SLC1A2: variants seen among roughly 807,000 people sequenced by gnomAD.
SLC1A2 encodes excitatory amino acid transporter 2.
SLC1A2 carries 15 observed loss-of-function variants against 48.8 expected under a neutral mutation model. That is an observed-to-expected ratio of 0.31 (90% confidence interval 0.21 to 0.47). The LOEUF (loss-of-function observed/expected upper bound fraction) is 0.47, where lower values mean the gene tolerates loss of function less well. Among genes scored for constraint, SLC1A2 ranks in the 20% least tolerant of loss-of-function variants. SLC1A2 has a pLI of 0.99. For synonymous variants in SLC1A2, 279 were observed against 272.6 expected (o/e 1.02, Z -0.23); for missense variants, 502 against 730.5 (o/e 0.69, Z 3.61).
chr11:35,380,641 A>G lies in SLC1A2; in HGVS notation c.17+38309T>C, dbSNP rs1212085996. The G allele has an allele frequency of 1.8e-5, 7 of 378,524 alleles. No individual in the cohort carries two copies. In the East Asian group the frequency reaches 2.7e-4, roughly 14 times the overall value. 23.4% of individuals were successfully genotyped at this position (378,524 alleles called of 1,614,324 possible). ...CAGGAACCCCTCATCTCTTCTGCATAAAGAGGTATATAAATAAAAACAAAA... is the reference window on the plus strand; with the variant it reads ...CAGGAACCCCTCATCTCTTCTGCATGAAGAGGTATATAAATAAAAACAAAA... On this transcript the variant is annotated intron_variant, in intron 1 of 10. Coordinates refer to ENST00000278379, the MANE Select transcript of SLC1A2 (RefSeq NM_004171.4).
Position 35,252,176 on chromosome 11 carries a change from G to A in SLC1A2, c.*8718C>T, listed in dbSNP as rs1712670739. ...ACTGTGCTTTCGTAGGGTTTCACCT[G>A]CAGATGCATTTGCAGTTAGTTAGTC... is the stretch of plus-strand genomic sequence containing the variant. On this transcript the variant is annotated 3_prime_UTR_variant, in exon 11 of 11. Coordinates refer to ENST00000278379, the MANE Select transcript of SLC1A2 (RefSeq NM_004171.4). 1 of 152,710 alleles carries A rather than the reference G, an allele frequency of 6.5e-6. No individual in the cohort carries two copies. The highest frequency in any genetic ancestry group is 2.4e-5 in the African/African-American group (1 of 41,562). 9.5% of individuals were successfully genotyped at this position (152,710 alleles called of 1,614,324 possible).
At chr11:35,360,177 T>G (rs1853626087) in intron 1 of SLC1A2, 7 of 688,606 alleles carry the variant, frequency 1.0e-5, no homozygotes, top group Non-Finnish European at 1.3e-5. Context: ...AGTGTTTTGA[T>G]GACAAAGACG....
In SLC1A2 at chr11:35,259,639, C is replaced by T. The variant is rs1950365243; in HGVS notation, c.*1255G>A. ...TTTGTTGCCATGTCATTGTTCAAGG[C>T]TGCCTGGACTCTGCCATAGGAATAT... On this transcript the variant is annotated 3_prime_UTR_variant, in exon 11 of 11. Coordinates refer to ENST00000278379, the MANE Select transcript of SLC1A2 (RefSeq NM_004171.4). 1 of 152,212 alleles carries T rather than the reference C, an allele frequency of 6.6e-6. No homozygotes were observed. Among genetic ancestry groups the T allele is most frequent in the Non-Finnish European group, 1.5e-5 (1 of 68,044 alleles). 9.4% of individuals were successfully genotyped at this position (152,212 alleles called of 1,614,324 possible).
chr11:35,289,837 G>A (rs1006178638), intron 7 of SLC1A2, among the ~76,000 whole-genome samples: 2 of 152,166 alleles, frequency 1.3e-5, no homozygotes, highest in African/African-American at 4.8e-5. Context: ...CAAATGTCAA[G>A]TGAAGAGGAG....
chr11:35,415,108 C>T lies in SLC1A2; in HGVS notation c.17+3842G>A, dbSNP rs567445188. Among the ~76,000 whole-genome samples, 81 of 152,330 alleles carry T rather than the reference C, an allele frequency of 5.3e-4. 2 individuals carry two copies. The South Asian group carries it at 0.017, about 32-fold the overall frequency. ...ACTGACCCAGAAATCTCACACTTAG[C>T]TGTTAAATATATTGCTCGTTTTTTG... is the stretch of plus-strand genomic sequence containing the variant. On this transcript the variant is annotated intron_variant, in intron 1 of 10. Coordinates refer to ENST00000278379, the MANE Select transcript of SLC1A2 (RefSeq NM_004171.4).
intron 1 of SLC1A2, among the ~76,000 whole-genome samples, chr11:35,359,786 A>G (rs755789073): frequency 3.9e-5 from 6 of 152,206 alleles, no homozygotes; most frequent in Non-Finnish European, 7.3e-5. Context: ...ATCAGATTAT[A>G]TTTCCCAACT....
chr11:35,395,099 C>G (rs936591602), intron 1 of SLC1A2, among the ~76,000 whole-genome samples: 1 of 151,998 alleles, frequency 6.6e-6, no homozygotes, highest in Non-Finnish European at 1.5e-5. Flanking sequence ...ACAATGGGCT[C>G]TCCCTGAGTA....
At chr11:35,407,487 TA>T (rs1368196945) in intron 1 of SLC1A2, among the ~76,000 whole-genome samples, 4 of 152,190 alleles carry the variant, frequency 2.6e-5, no homozygotes, top group Admixed American at 2.0e-4. Flanking sequence ...ACCCAACATA[TA>T]ATCCTGCTCT....
chr11:35,391,999 G>T (rs1296840567), intron 1 of SLC1A2, among the ~76,000 whole-genome samples: 1 of 152,160 alleles, frequency 6.6e-6, no homozygotes, highest in East Asian at 1.9e-4. Flanking sequence ...GAGCCTGCTT[G>T]CAAGCAGGGC....
chr11:35,413,179 T>C (rs1194188989), intron 1 of SLC1A2, among the ~76,000 whole-genome samples: 2 of 152,228 alleles, frequency 1.3e-5, no homozygotes, highest in Non-Finnish European at 2.9e-5. Context: ...GAACAGACTG[T>C]GCCCAACCTG....
rs1326870463 is a variant in SLC1A2 at position 35,315,140 on chromosome 11, G to A, written c.193C>T (p.Arg65Cys). ...ILGAVCGGLLRLASPIHPDVV... is the reference protein window; with the variant it reads ...ILGAVCGGLLCLASPIHPDVV... ...TCAGGGTGGATGGGAGATGCCAAGC[G>A]AAGAAGCCCTCCACACACTGCTCCC... is the stretch of plus-strand genomic sequence containing the variant. Residue 65 changes from arginine (R) to cysteine (C), a missense_variant, in exon 3 of 11, where the codon CGC becomes TGC. This residue lies in a region of SLC1A2 where 89 missense variants were observed against 119.7 expected (regional missense o/e 0.74). Coordinates refer to ENST00000278379, the MANE Select transcript of SLC1A2 (RefSeq NM_004171.4). The A allele has an allele frequency of 1.1e-5, 18 of 1,613,450 alleles. No individual in the cohort carries two copies. Among genetic ancestry groups the A allele is most frequent in the Non-Finnish European group, 1.4e-5 (17 of 1,179,428 alleles).
rs78085995 is a variant in SLC1A2 at position 35,300,655 on chromosome 11, T to C, written c.857+864A>G. On this transcript the variant is annotated intron_variant, in intron 6 of 10. Coordinates refer to ENST00000278379, the MANE Select transcript of SLC1A2 (RefSeq NM_004171.4). ...CCTATTGTTTATAAATTACCCAGTC[T>C]AAGGTATTTTGTTATAATAGATGGA... Among the ~76,000 whole-genome samples the C allele has an allele frequency of 2.6e-5, 4 of 152,320 alleles. No homozygotes were observed. In the East Asian group the frequency reaches 7.7e-4, roughly 29 times the overall value.
At chr11:35,343,915 C>T (rs1035576332) in intron 1 of SLC1A2, among the ~76,000 whole-genome samples, 3 of 151,912 alleles carry the variant, frequency 2.0e-5, no homozygotes, top group Non-Finnish European at 4.4e-5. Context: ...TTGTGAAATC[C>T]CTTGAAAACT....
intron 1 of SLC1A2, among the ~76,000 whole-genome samples, chr11:35,409,351 T>A (rs1050051920): frequency 6.6e-6 from 1 of 152,122 alleles, no homozygotes; most frequent in Non-Finnish European, 1.5e-5. Flanking sequence ...CTTGCAGGAG[T>A]GTGAAAATGG....
At chr11:35,277,248 G>C (rs904245422) in intron 9 of SLC1A2, among the ~76,000 whole-genome samples, 1 of 152,164 alleles carries the variant, frequency 6.6e-6, no homozygotes, top group Non-Finnish European at 1.5e-5. Flanking sequence ...TTCCAACTCT[G>C]GGCCTCTCTG....
In SLC1A2 at chr11:35,254,954, G is replaced by A; in HGVS notation, c.*5940C>T. The stretch of plus-strand genomic sequence containing the variant: ...TAGGATAAATGAAATAGGAACTTAG[G>A]GGCATCTCTCACTTTTCTACAGGTT... On this transcript the variant is annotated 3_prime_UTR_variant, in exon 11 of 11. Transcript: ENST00000278379. 3.1e-6 allele frequency: 1 copy of A among 325,984 alleles called. No individual in the cohort carries two copies. Among genetic ancestry groups the A allele is most frequent in the Non-Finnish European group, 6.0e-6 (1 of 166,276 alleles). 20.2% of individuals were successfully genotyped at this position (325,984 alleles called of 1,614,324 possible).
intron 1 of SLC1A2, among the ~76,000 whole-genome samples, chr11:35,334,721 C>T (rs187099991): frequency 6.6e-6 from 1 of 152,148 alleles, no homozygotes; most frequent in East Asian, 1.9e-4. Flanking sequence ...TGAGACATGA[C>T]TTCAGCCTTT....
chr11:35,360,168 G>C lies in SLC1A2; in HGVS notation c.18-42652C>G, dbSNP rs1853625738. 5.3e-6 allele frequency: 4 copies of C among 754,266 alleles called. No individual in the cohort carries two copies. The African/African-American group carries it at 5.7e-5, about 11-fold the overall frequency. The allele number at this position is 754,266 out of a possible 1,614,324, so 46.7% of individuals were successfully genotyped here. On this transcript the variant is annotated intron_variant, in intron 1 of 10. Coordinates refer to ENST00000278379, the MANE Select transcript of SLC1A2 (RefSeq NM_004171.4). Reference sequence around the variant, plus strand: ...GGGGGCTTTAAAGTTTACCTACCCAGTGTTTTGATGACAAAGACGTCACAA... The same window carrying C: ...GGGGGCTTTAAAGTTTACCTACCCACTGTTTTGATGACAAAGACGTCACAA...
chr11:35,384,816 C>T (rs1373005835), intron 1 of SLC1A2, among the ~76,000 whole-genome samples: 1 of 152,046 alleles, frequency 6.6e-6, no homozygotes, highest in African/African-American at 2.4e-5. Context: ...TTTTAGAAAC[C>T]CAATAATCAA....
Sources: allele counts gnomAD v4.1 joint callset (sites outside exome capture counted in the v4.1 genomes callset), GRCh38; gene constraint gnomAD v4.1.1; regional missense constraint gnomAD v4.1.1; transcripts MANE v1.5; gene names NCBI Gene and HGNC (gene_info 2026-07-23, HGNC 2026-07-21).